Variants in MS4A13 observed in about 807,000 individuals in gnomAD.
MS4A13 encodes the protein membrane spanning 4-domains A13.
A neutral mutation model predicts 18.4 loss-of-function variants in MS4A13; 21 were observed. That is an observed-to-expected ratio of 1.14 (90% confidence interval 0.81 to 1.64). The LOEUF is 1.64. Ranked by LOEUF, MS4A13 falls within the 40% of genes most tolerant of loss-of-function variation. MS4A13 has a pLI of 0.00. For synonymous variants in MS4A13, 62 were observed against 57.2 expected (o/e 1.08, Z -0.38); for missense variants, 173 against 176.8 (o/e 0.98, Z 0.12).
chr11:60,524,074 A>G (rs1409722144), intron 4 of MS4A13, 121 bp downstream of exon 4: 1 of 592,638 alleles, frequency 1.7e-6, no homozygotes, highest in Non-Finnish European at 3.0e-6. Flanking sequence ...AAGTAAATGA[A>G]AGAATTAAGA....
chr11:60,541,543 T>C (rs1198601918), intron 6 of MS4A13, among the ~76,000 whole-genome samples: 1 of 152,174 alleles, frequency 6.6e-6, no homozygotes, highest in Non-Finnish European at 1.5e-5. Context: ...CATATGAAGT[T>C]TGAAACCAGG....
chr11:60,528,291 A>C (rs1331459499), intron 5 of MS4A13, among the ~76,000 whole-genome samples: 1 of 152,240 alleles, frequency 6.6e-6, no homozygotes, highest in Non-Finnish European at 1.5e-5. Context: ...AAAAATTTAA[A>C]GTTGCCTAGA....
In MS4A13 at chr11:60,522,234, A is replaced by ATC. The variant is rs1402742805; in HGVS notation, c.130-1663_130-1662insTC. Among the ~76,000 whole-genome samples, 12 of 108,650 alleles carry ATC rather than the reference A, an allele frequency of 1.1e-4. No individual in the cohort carries two copies. In the East Asian group the frequency reaches 1.5e-3, roughly 14 times the overall value. The allele number at this position is 108,650 out of a possible 152,430, so 71.3% of individuals were successfully genotyped here. ...TAGATAGATAGATAGATAGATAGAT[A>ATC]GATAGATGTATATATATAGATATAT... On this transcript the variant is annotated intron_variant, in intron 3 of 6. Coordinates refer to ENST00000378186, the MANE Select transcript of MS4A13 (RefSeq NM_001012417.3).
intron 5 of MS4A13, among the ~76,000 whole-genome samples, chr11:60,528,791 A>G (rs1329883749): frequency 6.6e-6 from 1 of 152,238 alleles, no homozygotes; most frequent in Non-Finnish European, 1.5e-5. Flanking sequence ...TAGCAACAGA[A>G]GGGAATCTGT....
chr11:60,538,601 A>T lies in MS4A13; in HGVS notation c.403-3918A>T, dbSNP rs181740192. Among the ~76,000 whole-genome samples, 238 of 152,032 alleles carry T rather than the reference A, an allele frequency of 1.6e-3. 1 individual carries two copies. The highest frequency in any genetic ancestry group is 5.5e-3 in the African/African-American group (227 of 41,472). ...AAATAAAAATAAAAAAAAAAATTGC[A>T]GGGACAGTACAGAAATTTTTTTCCC... is the stretch of plus-strand genomic sequence containing the variant. On this transcript the variant is annotated intron_variant, in intron 6 of 6. Transcript: ENST00000378186.
intron 2 of MS4A13, among the ~76,000 whole-genome samples, chr11:60,517,211 T>A (rs925244669): frequency 5.3e-5 from 8 of 151,828 alleles, no homozygotes; most frequent in African/African-American, 1.9e-4. Context: ...TTCTCCAAAA[T>A]GTATTTTTTA....
In MS4A13 at chr11:60,518,911, G is replaced by A. The variant is rs545271214; in HGVS notation, c.129+699G>A. On this transcript the variant is annotated intron_variant, in intron 3 of 6. Coordinates refer to ENST00000378186, the MANE Select transcript of MS4A13 (RefSeq NM_001012417.3). Reference sequence around the variant, plus strand: ...TCTTTAAGGACTTTACTGTAATGTGGTATAAAGAAATGGGGTGATAGCTGG... The same window carrying A: ...TCTTTAAGGACTTTACTGTAATGTGATATAAAGAAATGGGGTGATAGCTGG... 1.5e-3 allele frequency among the ~76,000 whole-genome samples: 228 copies of A among 152,310 alleles called. 1 individual carries two copies. The highest frequency in any genetic ancestry group is 4.6e-3 in the Admixed American group (71 of 15,292).
intron 3 of MS4A13, among the ~76,000 whole-genome samples, chr11:60,519,895 G>A (rs945354402): frequency 6.6e-6 from 1 of 152,144 alleles, no homozygotes; most frequent in Non-Finnish European, 1.5e-5. Context: ...ATACTAGAGG[G>A]CATGAGCTAG....
intron 6 of MS4A13, among the ~76,000 whole-genome samples, chr11:60,540,561 T>C (rs1262250126): frequency 6.6e-6 from 1 of 152,206 alleles, no homozygotes; most frequent in Non-Finnish European, 1.5e-5. Context: ...ATTAGGGTGC[T>C]TATTTAGTGA....
At chr11:60,538,831 A>C (rs1259630794) in intron 6 of MS4A13, among the ~76,000 whole-genome samples, 1 of 133,990 alleles carries the variant, frequency 7.5e-6, no homozygotes, top group Non-Finnish European at 1.6e-5. Context: ...GGCTGATGGC[A>C]GAAAGGGAAG....
chr11:60,530,101 T>C (rs951599995), intron 6 of MS4A13, among the ~76,000 whole-genome samples: 1 of 152,220 alleles, frequency 6.6e-6, no homozygotes, highest in African/African-American at 2.4e-5. Flanking sequence ...ATGAGAATGA[T>C]TATTTTCTCA....
intron 6 of MS4A13, among the ~76,000 whole-genome samples, chr11:60,539,746 A>G (rs139249829): frequency 0.014 from 2,124 of 152,338 alleles, 24 homozygotes; most frequent in African/African-American, 0.025. Flanking sequence ...GGGAACCACA[A>G]TAATATAAAC....
intron 2 of MS4A13, among the ~76,000 whole-genome samples, chr11:60,517,022 T>C (rs1030925911): frequency 1.3e-5 from 2 of 150,782 alleles, no homozygotes; most frequent in Non-Finnish European, 3.0e-5. Flanking sequence ...AAAAAAAAAC[T>C]CCAGGCCCTA....
chr11:60,539,381 A>G (rs551480054), intron 6 of MS4A13, among the ~76,000 whole-genome samples: 7 of 152,010 alleles, frequency 4.6e-5, no homozygotes, highest in Non-Finnish European at 1.0e-4. Context: ...AGGTGAGCTG[A>G]CAAAAAACAA....
chr11:60,527,388 C>CTGTGTGTG (rs2086723220), intron 5 of MS4A13, among the ~76,000 whole-genome samples: 35 of 127,472 alleles, frequency 2.7e-4, no homozygotes, highest in African/African-American at 7.4e-4. Context: ...CTCTCTCTCT[C>CTGTGTGTG]TCTCTCTCTC....
At position 60,518,120 on chromosome 11, in the gene MS4A13, C is replaced by G; in HGVS notation, c.37C>G (p.Leu13Val). 6.2e-7 allele frequency: 1 copy of G among 1,607,944 alleles called. No homozygotes were observed. Among genetic ancestry groups the G allele is most frequent in the African/African-American group, 1.3e-5 (1 of 74,860 alleles). ...GIFHIFMWYF[L>V]LVLYMGQIKG... ...CTTTCACATTTTCATGTGGTACTTT[C>G]TATTGGTTTTGTATATGGGACAAAT... Residue 13 changes from leucine (L) to valine (V), a missense_variant, in exon 3 of 7, where the codon CTA (leucine) becomes GTA (valine). Coordinates refer to ENST00000378186, the MANE Select transcript of MS4A13 (RefSeq NM_001012417.3).
chr11:60,524,190 G>A (rs1013815400), intron 4 of MS4A13, among the ~76,000 whole-genome samples: 1 of 152,148 alleles, frequency 6.6e-6, no homozygotes, highest in Non-Finnish European at 1.5e-5. Context: ...TTTTTGTTTT[G>A]TTTGATGTTC....
At chr11:60,526,112 T>C (rs1237018215) in intron 5 of MS4A13, among the ~76,000 whole-genome samples, 2 of 152,024 alleles carry the variant, frequency 1.3e-5, no homozygotes, top group African/African-American at 4.8e-5. Flanking sequence ...ACCTGTGACA[T>C]ATTATTAAGG....
downstream of MS4A13, chr11:60,542,726 T>G: frequency 6.2e-6 from 3 of 481,312 alleles, no homozygotes; most frequent in Middle Eastern, 3.0e-4. Flanking sequence ...CAAAAATGTC[T>G]CTGCTTATAT....
Sources: gnomAD v4.1 joint callset for allele counts (sites outside exome capture counted in the v4.1 genomes callset) on GRCh38, gnomAD v4.1.1 for gene constraint, MANE v1.5 for transcripts, NCBI Gene and HGNC (gene_info 2026-07-23, HGNC 2026-07-21) for gene names.